LCA5: variants seen among roughly 807,000 people sequenced by gnomAD.
LCA5 encodes lebercilin.
A neutral mutation model predicts 53.0 loss-of-function variants in LCA5; 37 were observed. That is an observed-to-expected ratio of 0.70 (90% CI 0.54 to 0.92). The LOEUF (loss-of-function observed/expected upper bound fraction) is 0.92, where lower values mean the gene tolerates loss of function less well. Among genes scored for constraint, LCA5 ranks in the 40% least tolerant of loss-of-function variants. The pLI, the probability that LCA5 is intolerant of heterozygous loss-of-function variation, is 0.00. For synonymous variants in LCA5, 303 were observed against 282.9 expected (o/e 1.07, Z -0.71); for missense variants, 806 against 790.5 (o/e 1.02, Z -0.23).
chr6:79,490,499 T>C (rs1400002588), intron 6 of LCA5, among the ~76,000 whole-genome samples: 2 of 152,094 alleles, frequency 1.3e-5, no homozygotes, highest in East Asian at 3.9e-4. Flanking sequence ...ATTCCTTCTG[T>C]TGAATGTATA....
chr6:79,520,283 T>G (rs979324952), intron 1 of LCA5, among the ~76,000 whole-genome samples: 2 of 152,106 alleles, frequency 1.3e-5, no homozygotes, highest in Non-Finnish European at 2.9e-5. Context: ...AGTCTGTATT[T>G]AAGGAAAATG....
intron 3 of LCA5, among the ~76,000 whole-genome samples, chr6:79,499,765 T>C (rs947777004): frequency 2.6e-4 from 39 of 151,624 alleles, no homozygotes; most frequent in African/African-American, 8.5e-4. Context: ...TACATATGTA[T>C]ACATGTGCCA....
intron 3 of LCA5, among the ~76,000 whole-genome samples, chr6:79,508,080 T>G (rs2127676685): frequency 6.6e-6 from 1 of 152,310 alleles, no homozygotes. Flanking sequence ...AATAAAGGTA[T>G]AAAGTCAACT....
At chr6:79,522,803 CCT>C in intron 1 of LCA5, among the ~76,000 whole-genome samples, 1 of 152,132 alleles carries the variant, frequency 6.6e-6, no homozygotes, top group Non-Finnish European at 1.5e-5. Context: ...CCTCCCACCT[CCT>C]GAGTAGCCAG....
chr6:79,493,605 A>G lies in LCA5; in HGVS notation c.858+8T>C, dbSNP rs1358938798. ...ATTATGGAAAACAATGCAATTTAAA[A>G]TACTTACCTTTAATTTGTGATATAG... is the stretch of plus-strand genomic sequence containing the variant. On this transcript the variant is annotated splice_region_variant and intron_variant, in intron 4 of 7. Coordinates refer to ENST00000369846, the MANE Select transcript of LCA5 (RefSeq NM_001122769.3). The G allele has an allele frequency of 1.9e-6, 3 of 1,610,120 alleles. No homozygotes were observed. The highest frequency in any genetic ancestry group is 2.7e-5 in the African/African-American group (2 of 74,862).
rs201047397 is a variant in LCA5, at chr6:79,487,124, G to A, written c.1974C>T (p.Phe658=). The A allele has an allele frequency of 1.5e-5, 25 of 1,613,834 alleles. No individual in the cohort carries two copies. The highest frequency in any genetic ancestry group is 1.0e-4 in the Admixed American group (6 of 59,976). ...DQEHDEDEGF[F]LSEGRSFNPN... ...GATTAAAACTTCTTCCTTCACTGAG[G>A]AAAAAGCCTTCATCTTCATCATGTT... is the stretch of plus-strand genomic sequence containing the variant. The change falls in exon 8 of 8, where the codon TTC becomes TTT. Residue 658 remains phenylalanine, a synonymous_variant. Coordinates refer to ENST00000369846, the MANE Select transcript of LCA5 (RefSeq NM_001122769.3).
At chr6:79,489,618 C>T (rs1769781266) in intron 6 of LCA5, among the ~76,000 whole-genome samples, 1 of 152,176 alleles carries the variant, frequency 6.6e-6, no homozygotes. Context: ...ATAACATGAG[C>T]AGTGACAATA....
chr6:79,507,112 G>A (rs1048075176), intron 3 of LCA5, among the ~76,000 whole-genome samples: 4 of 152,068 alleles, frequency 2.6e-5, no homozygotes, highest in African/African-American at 9.7e-5. Context: ...TCTGTGTGAG[G>A]CTCAATTTTC....
chr6:79,534,218 AAAAC>A (rs1237190682), intron 1 of LCA5, among the ~76,000 whole-genome samples: 2 of 151,928 alleles, frequency 1.3e-5, no homozygotes, highest in African/African-American at 4.8e-5. Context: ...ATTTAAAAAT[AAAAC>A]AAAAAATAAA....
Position 79,518,791 on chromosome 6 carries a change from C to G in LCA5, c.104G>C (p.Arg35Pro), listed in dbSNP as rs771337269. Residue 35 changes from arginine (R) to proline (P), a missense_variant, in exon 2 of 8, where the codon CGA (arginine) becomes CCA (proline). By Grantham distance (103) the Arg-to-Pro change is moderately radical. Coordinates refer to ENST00000369846, the MANE Select transcript of LCA5 (RefSeq NM_001122769.3). ...SDFETPQSSG[R>P]SSLVSSSPAS... Reference sequence around the variant, plus strand: ...AGGTGAAGAACTGACCAGCGATGATCGGCCAGAAGACTGTGGCGTTTCAAA... The same window carrying G: ...AGGTGAAGAACTGACCAGCGATGATGGGCCAGAAGACTGTGGCGTTTCAAA... The G allele has an allele frequency of 2.5e-6, 4 of 1,614,110 alleles. No individual in the cohort carries two copies. Among genetic ancestry groups the G allele is most frequent in the African/African-American group, 1.3e-5 (1 of 75,028 alleles).
At chr6:79,494,142 G>A (rs960312895) in intron 3 of LCA5, among the ~76,000 whole-genome samples, 6 of 151,778 alleles carry the variant, frequency 4.0e-5, no homozygotes, top group Non-Finnish European at 8.8e-5. Flanking sequence ...GAGTAGTCCC[G>A]GCTACTCAGG....
intron 1 of LCA5, among the ~76,000 whole-genome samples, chr6:79,529,727 G>A (rs1213990980): frequency 6.6e-6 from 1 of 151,936 alleles, no homozygotes; most frequent in African/African-American, 2.4e-5. Flanking sequence ...ATGATAGACT[G>A]GATTAAGAAA....
chr6:79,526,404 C>T (rs569183412), intron 1 of LCA5, among the ~76,000 whole-genome samples: 57 of 152,022 alleles, frequency 3.7e-4, no homozygotes, highest in Middle Eastern at 3.4e-3. Context: ...ATTAGCTGGG[C>T]GAGGTGGCGG....
intron 3 of LCA5, among the ~76,000 whole-genome samples, chr6:79,509,099 C>T (rs1325330376): frequency 6.6e-6 from 1 of 152,084 alleles, no homozygotes; most frequent in Non-Finnish European, 1.5e-5. Flanking sequence ...TCCCCCCATC[C>T]CCTCAAATAA....
chr6:79,535,858 G>C (rs1285162265), intron 1 of LCA5, among the ~76,000 whole-genome samples: 1 of 152,132 alleles, frequency 6.6e-6, no homozygotes, highest in Non-Finnish European at 1.5e-5. Flanking sequence ...AAACAATAAT[G>C]AAATATGGTG....
In LCA5 at chr6:79,519,020, A is replaced by G. The variant is rs1582646155; in HGVS notation, c.-126T>C. 1.0e-6 allele frequency: 1 copy of G among 987,942 alleles called. No individual in the cohort carries two copies. Among genetic ancestry groups the G allele is most frequent in the East Asian group, 2.4e-5 (1 of 42,024 alleles). 61.2% of individuals were successfully genotyped at this position (987,942 alleles called of 1,614,324 possible). On this transcript the variant is annotated 5_prime_UTR_variant, in exon 2 of 8. Coordinates refer to ENST00000369846, the MANE Select transcript of LCA5 (RefSeq NM_001122769.3). Reference sequence around the variant, plus strand: ...GATAATATTCATTTCTGTGCAATCTATTTTCTCCACAATGTATTTGTAGAC... The same window carrying G: ...GATAATATTCATTTCTGTGCAATCTGTTTTCTCCACAATGTATTTGTAGAC...
At chr6:79,512,572 G>A (rs1259894510) in intron 3 of LCA5, among the ~76,000 whole-genome samples, 1 of 152,028 alleles carries the variant, frequency 6.6e-6, no homozygotes, top group African/African-American at 2.4e-5. Context: ...TTTCCAAACT[G>A]CTTGTCAATT....
At chr6:79,523,981 T>C (rs1218612535) in intron 1 of LCA5, among the ~76,000 whole-genome samples, 1 of 152,240 alleles carries the variant, frequency 6.6e-6, no homozygotes, top group Non-Finnish European at 1.5e-5. Flanking sequence ...CTTCATTTTA[T>C]ATGATTGCAA....
At chr6:79,514,898 A>G (rs1232723790) in intron 2 of LCA5, among the ~76,000 whole-genome samples, 1 of 152,120 alleles carries the variant, frequency 6.6e-6, no homozygotes, top group African/African-American at 2.4e-5. Flanking sequence ...ATCAGGAAAA[A>G]TACCTAATGG....
Sources: allele counts gnomAD v4.1 joint callset (sites outside exome capture counted in the v4.1 genomes callset), GRCh38; gene constraint gnomAD v4.1.1; transcripts MANE v1.5; gene names NCBI Gene and HGNC (gene_info 2026-07-23, HGNC 2026-07-21).